NOP9: variants seen among roughly 807,000 people sequenced by gnomAD.
The protein encoded by NOP9 is NOP9 nucleolar protein.
Under a neutral mutation model 63.0 loss-of-function variants are expected in NOP9, and 50 were observed. That is an observed-to-expected ratio of 0.79 (90% CI 0.63 to 1.00). The LOEUF (loss-of-function observed/expected upper bound fraction) is 1.00, where lower values mean the gene tolerates loss of function less well. Ranked by LOEUF, NOP9 falls within the 50% of genes least tolerant of loss-of-function variation. The pLI is 0.00. For missense variants in NOP9, 758 were observed against 803.0 expected (o/e 0.94, Z 0.68); for synonymous variants, 343 against 332.8 (o/e 1.03, Z -0.33).
At chr14:24,283,392 C>CCTGG in the NOP9 span, among the ~76,000 whole-genome samples, 1 of 150,934 alleles carries the variant, frequency 6.6e-6, no homozygotes, top group African/African-American at 2.4e-5. Context: ...AGTTCAAGAC[C>CCTGG]AGCTTGGGCA....
At chr14:24,271,278 G>C in the NOP9 span, 1 of 897,756 alleles carries the variant, frequency 1.1e-6, no homozygotes, top group East Asian at 2.7e-5. Context: ...GTGTAAAGAG[G>C]TCCTGGGACA....
At chr14:24,296,873 G>A, upstream of NOP9, 1 of 1,614,196 alleles carries the variant, frequency 6.2e-7, no homozygotes, top group Non-Finnish European at 8.5e-7. Context: ...GGCCCCCGAG[G>A]GATTGTGCCT....
chr14:24,288,263 C>G, the NOP9 span, among the ~76,000 whole-genome samples: 1 of 152,162 alleles, frequency 6.6e-6, no homozygotes, highest in South Asian at 2.1e-4. Flanking sequence ...GGGGCCTGGT[C>G]TGTCTTGCTC....
the NOP9 span, among the ~76,000 whole-genome samples, chr14:24,281,634 A>G: frequency 6.6e-6 from 1 of 152,220 alleles, no homozygotes; most frequent in East Asian, 1.9e-4. Flanking sequence ...CAAGGGTAGA[A>G]GACGCCAGGA....
the NOP9 span, among the ~76,000 whole-genome samples, chr14:24,282,657 C>T: frequency 6.6e-6 from 1 of 152,176 alleles, no homozygotes; most frequent in Non-Finnish European, 1.5e-5. Context: ...CAATATGGGG[C>T]ATATGTGTTG....
chr14:24,279,254 C>G, the NOP9 span, among the ~76,000 whole-genome samples: 3 of 152,202 alleles, frequency 2.0e-5, no homozygotes, highest in Non-Finnish European at 2.9e-5. Flanking sequence ...TAACTCAGAG[C>G]CCAAGAAGAT....
chr14:24,283,842 C>T, the NOP9 span, among the ~76,000 whole-genome samples: 2 of 152,260 alleles, frequency 1.3e-5, no homozygotes, highest in Admixed American at 6.5e-5. Flanking sequence ...TATTTCTCTT[C>T]GATACCACCT....
the NOP9 span, chr14:24,292,900 C>G: frequency 5.8e-6 from 8 of 1,388,930 alleles, no homozygotes; most frequent in African/African-American, 1.0e-4. Context: ...GAAGGCTACA[C>G]AGGGTGGGTT....
rs747244418 is a variant in NOP9, at chr14:24,302,404, G to A, written c.1123G>A (p.Ala375Thr). The change falls in exon 5 of 10, where the codon GCA (alanine) becomes ACA (threonine). Residue 375 changes from alanine (A) to threonine (T), a missense_variant. Coordinates refer to ENST00000267425, the MANE Select transcript of NOP9 (RefSeq NM_174913.3). The stretch of plus-strand genomic sequence containing the variant: ...CTTCCCTTTGCAGCGCTTACTGGAT[G>A]CAGTCACTACCCCTGAGCTGGTGAG... ...ANFPLQRLLDAVTTPELLSPV... is the reference protein window; with the variant it reads ...ANFPLQRLLDTVTTPELLSPV... 6.2e-7 allele frequency: 1 copy of A among 1,612,338 alleles called. No homozygotes were observed. The highest frequency in any genetic ancestry group is 8.5e-7 in the Non-Finnish European group (1 of 1,178,800).
the NOP9 span, among the ~76,000 whole-genome samples, chr14:24,277,547 G>A: frequency 5.3e-5 from 8 of 152,188 alleles, no homozygotes; most frequent in Non-Finnish European, 1.2e-4. Flanking sequence ...GAACTTCTGT[G>A]CTCCCGAAGC....
chr14:24,301,070 A>G (rs75335478), intron 2 of NOP9, among the ~76,000 whole-genome samples: 1,637 of 152,240 alleles, frequency 0.011, 21 homozygotes, highest in Non-Finnish European at 0.015. Context: ...GGGGAAGGCT[A>G]TTAGAATGGA....
In NOP9 at chr14:24,300,387, GTGTC is replaced by G; in HGVS notation, c.248-19_248-16del. On this transcript the variant is annotated splice_polypyrimidine_tract_variant and intron_variant, in intron 1 of 9. Transcript: ENST00000267425. ...ATTCTCTACTAAGTCTCTTCAAAGT[GTGTC>G]TTTCTTCCCTTTTCAGATCTGATGG... 6.2e-7 allele frequency: 1 copy of G among 1,600,602 alleles called. No individual in the cohort carries two copies. The highest frequency in any genetic ancestry group is 8.5e-7 in the Non-Finnish European group (1 of 1,172,056).
At position 24,306,661 on chromosome 14, in the gene NOP9, A is replaced by G; in HGVS notation, c.*1566A>G. On this transcript the variant is annotated 3_prime_UTR_variant, in exon 10 of 10. Coordinates refer to ENST00000267425, the MANE Select transcript of NOP9 (RefSeq NM_174913.3). ...TTTCCGGCACTTTGATACCTCCTAAAGGTTGCAGCTCTCCGTGTTCTTCAG... is the reference window on the plus strand; with the variant it reads ...TTTCCGGCACTTTGATACCTCCTAAGGGTTGCAGCTCTCCGTGTTCTTCAG... 1 of 1,025,094 alleles carries G rather than the reference A, an allele frequency of 9.8e-7. No individual in the cohort carries two copies. The highest frequency in any genetic ancestry group is 1.4e-6 in the Non-Finnish European group (1 of 691,580). The allele number at this position is 1,025,094 out of a possible 1,614,324, so 63.5% of individuals were successfully genotyped here. A position where few individuals can be genotyped will look rare whatever the true frequency, so the allele number is the denominator to read the frequency against.
chr14:24,302,763 T>A (rs1482148361), intron 5 of NOP9, among the ~76,000 whole-genome samples: 1 of 152,210 alleles, frequency 6.6e-6, no homozygotes, highest in Non-Finnish European at 1.5e-5. Flanking sequence ...TGCTTAGGAC[T>A]AAGGTGGGCT....
chr14:24,272,818 C>G, the NOP9 span, among the ~76,000 whole-genome samples: 1 of 152,190 alleles, frequency 6.6e-6, no homozygotes, highest in Non-Finnish European at 1.5e-5. Flanking sequence ...TCCCTCTTGA[C>G]TCTCCTTTCT....
chr14:24,304,032 C>T lies in NOP9; in HGVS notation c.1411-9C>T, dbSNP rs747512102. On this transcript the variant is annotated splice_polypyrimidine_tract_variant and intron_variant, in intron 7 of 9. Coordinates refer to ENST00000267425, the MANE Select transcript of NOP9 (RefSeq NM_174913.3). ...GGTGCCTCCTAATTTCTTATCTCTG[C>T]GCTGCCAGGTGGCAATGGCCGCAGC... is the stretch of plus-strand genomic sequence containing the variant. 1.9e-5 allele frequency: 30 copies of T among 1,611,586 alleles called. No individual in the cohort carries two copies. The highest frequency in any genetic ancestry group is 4.0e-5 in the African/African-American group (3 of 74,898).
At position 24,302,238 on chromosome 14, in the gene NOP9, A is replaced by G; in HGVS notation, c.957A>G (p.Leu319=). ...ATGCCCTTCTTGTCCCTAGTCCCCT[A>G]CTGCTATTTCTCCGAGATCAGACGA... ...TRGSSVDGSP[L]LLFLRDQTSS... Residue 319 remains leucine (L), a synonymous_variant, in exon 5 of 10, where the codon CTA becomes CTG. Transcript: ENST00000267425. The G allele has an allele frequency of 1.2e-6, 2 of 1,611,704 alleles. No individual in the cohort carries two copies. Among genetic ancestry groups the G allele is most frequent in the Non-Finnish European group, 1.7e-6 (2 of 1,177,996 alleles).
chr14:24,298,857 T>C (rs1273729131), upstream of NOP9: 3 of 1,231,186 alleles, frequency 2.4e-6, 1 homozygote, highest in African/African-American at 3.1e-5. Context: ...TCTTGTTGAG[T>C]AGTATTATAG....
upstream of NOP9, among the ~76,000 whole-genome samples, chr14:24,295,938 C>T (rs1369082448): frequency 6.6e-6 from 1 of 152,204 alleles, no homozygotes; most frequent in African/African-American, 2.4e-5. Context: ...ATCATTCCAA[C>T]AGTAACAGAG....
Sources: allele counts gnomAD v4.1 joint callset (sites outside exome capture counted in the v4.1 genomes callset), GRCh38; gene constraint gnomAD v4.1.1; transcripts MANE v1.5; gene names NCBI Gene and HGNC (gene_info 2026-07-23, HGNC 2026-07-21).